The following DLC1 variants were observed in gnomAD, a reference collection of about 807,000 sequenced individuals.
DLC1 encodes the protein DLC1 Rho GTPase activating protein, also known as rho GTPase-activating protein 7.
In DLC1, 54 loss-of-function variants were observed where a neutral mutation model predicts 140.3. The ratio of observed to expected loss-of-function variants is 0.38; its 90% CI spans 0.31 to 0.48. The LOEUF (loss-of-function observed/expected upper bound fraction) is 0.48, where lower values mean the gene tolerates loss of function less well. Among genes scored for constraint, DLC1 ranks in the 20% least tolerant of loss-of-function variants. The pLI is 0.96. For missense variants in DLC1, 2,536 were observed against 1,907.0 expected (o/e 1.33, Z -6.14); for synonymous variants, 986 against 728.1 (o/e 1.35, Z -5.70).
chr8:13,158,729 A>ACCCCCCCCC (rs1585799460), intron 5 of DLC1, among the ~76,000 whole-genome samples: 16 of 20,172 alleles, frequency 7.9e-4, no homozygotes, highest in Admixed American at 1.4e-3. Context: ...CACAACCACC[A>ACCCCCCCCC]CCCTCCCCCC....
intron 1 of DLC1, among the ~76,000 whole-genome samples, chr8:13,555,300 A>G (rs1326730055): frequency 1.3e-5 from 2 of 151,570 alleles, no homozygotes; most frequent in African/African-American, 4.8e-5. Flanking sequence ...CCAGATTATA[A>G]CCTCCATGAG....
chr8:13,452,864 T>A (rs928817179), intron 2 of DLC1, among the ~76,000 whole-genome samples: 2 of 152,190 alleles, frequency 1.3e-5, no homozygotes, highest in African/African-American at 4.8e-5. Flanking sequence ...TAACATGCCC[T>A]TGTTTGCTCA....
chr8:13,092,521 G>C, intron 13 of DLC1, 91 bp downstream of exon 13: 1 of 1,418,992 alleles, frequency 7.0e-7, no homozygotes. Flanking sequence ...GCTTGTTTCA[G>C]GAAAGAGTCC....
intron 4 of DLC1, chr8:13,341,384 G>C (rs1294455015): frequency 1.3e-5 from 2 of 152,178 alleles, no homozygotes; most frequent in African/African-American, 2.4e-5. Flanking sequence ...AGCAGTTCTT[G>C]AACTCCAGCG....
chr8:13,323,089 C>A (rs956281856), intron 4 of DLC1, among the ~76,000 whole-genome samples: 1 of 152,166 alleles, frequency 6.6e-6, no homozygotes, highest in Non-Finnish European at 1.5e-5. Flanking sequence ...TGTGGAAAAC[C>A]CTATGACATA....
intron 4 of DLC1, among the ~76,000 whole-genome samples, chr8:13,388,942 A>G (rs1836637070): frequency 6.6e-6 from 1 of 152,024 alleles, no homozygotes; most frequent in Admixed American, 6.6e-5. Context: ...TTTCTGATAT[A>G]ATAACAGCTC....
chr8:13,104,737 A>C (rs899130474), intron 7 of DLC1, among the ~76,000 whole-genome samples: 1 of 152,232 alleles, frequency 6.6e-6, no homozygotes, highest in Non-Finnish European at 1.5e-5. Flanking sequence ...CTGCCTGATA[A>C]GCCCGATTTT....
At chr8:13,272,024 G>A (rs1830952547) in intron 5 of DLC1, among the ~76,000 whole-genome samples, 2 of 152,274 alleles carry the variant, frequency 1.3e-5, no homozygotes, top group Non-Finnish European at 2.9e-5. Context: ...ATCTCAATCA[G>A]GTGGAGGCAT....
At chr8:13,289,863 A>C (rs1003418196) in intron 5 of DLC1, among the ~76,000 whole-genome samples, 4 of 152,132 alleles carry the variant, frequency 2.6e-5, no homozygotes, top group Non-Finnish European at 5.9e-5. Context: ...TGCATATGGA[A>C]TTATTTTAAT....
chr8:13,375,152 T>G (rs1034588526), intron 4 of DLC1, among the ~76,000 whole-genome samples: 3 of 151,508 alleles, frequency 2.0e-5, no homozygotes, highest in Non-Finnish European at 2.9e-5. Flanking sequence ...CTTAGCCTCC[T>G]GAGTAGCAGG....
At chr8:13,576,965 A>G (rs1358810317) in intron 1 of DLC1, among the ~76,000 whole-genome samples, 1 of 152,002 alleles carries the variant, frequency 6.6e-6, no homozygotes, top group Non-Finnish European at 1.5e-5. Context: ...ACCGAGGAAC[A>G]TATTAGTAAT....
chr8:13,223,675 T>C (rs983455129), intron 5 of DLC1, among the ~76,000 whole-genome samples: 1 of 152,226 alleles, frequency 6.6e-6, no homozygotes, highest in South Asian at 2.1e-4. Flanking sequence ...GCTAACACCA[T>C]TGGAATGTCA....
At chr8:13,133,046 C>A in intron 5 of DLC1, 2 of 1,572,792 alleles carry the variant, frequency 1.3e-6, no homozygotes, top group Non-Finnish European at 1.7e-6. Context: ...GGCTCGGCTT[C>A]CGCGTCGGGA....
chr8:13,501,407 A>G (rs547768014), intron 1 of DLC1, among the ~76,000 whole-genome samples: 1 of 152,346 alleles, frequency 6.6e-6, no homozygotes, highest in South Asian at 2.1e-4. Flanking sequence ...ATATTATTGG[A>G]CTGTAAAAGA....
At chr8:13,350,838 AC>A (rs1834624728) in intron 4 of DLC1, among the ~76,000 whole-genome samples, 1 of 152,242 alleles carries the variant, frequency 6.6e-6, no homozygotes, top group Non-Finnish European at 1.5e-5. Context: ...TATTGCTCAC[AC>A]CTTGCATAGA....
chr8:13,435,974 G>C (rs533861729), intron 2 of DLC1, among the ~76,000 whole-genome samples: 25 of 152,318 alleles, frequency 1.6e-4, no homozygotes, highest in Admixed American at 2.6e-4. Flanking sequence ...AAAAGATTGA[G>C]CTGCTGAAAG....
intron 5 of DLC1, among the ~76,000 whole-genome samples, chr8:13,180,828 TAG>T (rs1412201366): frequency 6.6e-6 from 1 of 152,156 alleles, no homozygotes; most frequent in Non-Finnish European, 1.5e-5. Flanking sequence ...ATATTGAAAA[TAG>T]AGAGTTGTCT....
intron 2 of DLC1, among the ~76,000 whole-genome samples, chr8:13,484,028 C>G (rs1411877593): frequency 6.6e-6 from 1 of 151,974 alleles, no homozygotes; most frequent in Non-Finnish European, 1.5e-5. Flanking sequence ...TGCAGTGAAC[C>G]CAGATCATGC....
chr8:13,551,983 G>A (rs1803872782), intron 1 of DLC1, among the ~76,000 whole-genome samples: 2 of 143,614 alleles, frequency 1.4e-5, no homozygotes, highest in African/African-American at 2.5e-5. Context: ...GTGTGTGTGT[G>A]TATATATATG....
Sources: allele counts gnomAD v4.1 joint callset (sites outside exome capture counted in the v4.1 genomes callset), GRCh38; gene constraint gnomAD v4.1.1; transcripts MANE v1.5; gene names NCBI Gene and HGNC (gene_info 2026-07-23, HGNC 2026-07-21).